Variants in CPNE8 observed in about 807,000 individuals in gnomAD.
CPNE8 encodes copine 8, also known as copine-8.
CPNE8 carries 45 observed loss-of-function variants against 81.5 expected under a neutral mutation model. The ratio of observed to expected loss-of-function variants is 0.55; its 90% CI spans 0.44 to 0.71. CPNE8 has a LOEUF of 0.71. CPNE8 is among the 30% of genes least tolerant of loss of function. The probability of loss-of-function intolerance (pLI) is 0.00; values close to 1 mark genes in which losing one functional copy is unlikely to be tolerated. For synonymous variants in CPNE8, 252 were observed against 226.3 expected (o/e 1.11, Z -1.02); for missense variants, 594 against 672.1 (o/e 0.88, Z 1.28).
At chr12:38,757,744 A>G (rs1352711834) in intron 10 of CPNE8, among the ~76,000 whole-genome samples, 1 of 152,068 alleles carries the variant, frequency 6.6e-6, no homozygotes, top group East Asian at 1.9e-4. Context: ...ACTTTACTCA[A>G]ACATTAAAAA....
At chr12:38,855,078 C>A (rs565433183) in intron 3 of CPNE8, among the ~76,000 whole-genome samples, 22 of 151,880 alleles carry the variant, frequency 1.4e-4, no homozygotes, top group Non-Finnish European at 2.7e-4. Flanking sequence ...ACAGAAAAAT[C>A]AGTAGTATTT....
chr12:38,750,905 T>C (rs891420168), intron 10 of CPNE8, among the ~76,000 whole-genome samples: 4 of 152,152 alleles, frequency 2.6e-5, no homozygotes, highest in Non-Finnish European at 5.9e-5. Context: ...ATGGTTTGGC[T>C]GTGTCCCCAC....
chr12:38,732,712 T>C (rs1175404503), intron 10 of CPNE8, among the ~76,000 whole-genome samples: 1 of 152,006 alleles, frequency 6.6e-6, no homozygotes, highest in African/African-American at 2.4e-5. Flanking sequence ...TCTCACCCTA[T>C]ATTACTCCTT....
chr12:38,802,884 C>A (rs889068385), intron 6 of CPNE8, among the ~76,000 whole-genome samples: 2 of 148,560 alleles, frequency 1.3e-5, no homozygotes, highest in South Asian at 2.2e-4. Context: ...AACACCTCTA[C>A]GCAAATAAAC....
intron 13 of CPNE8, chr12:38,720,805 T>C (rs1339884771): frequency 6.6e-6 from 1 of 152,096 alleles, no homozygotes; most frequent in Non-Finnish European, 1.5e-5. Flanking sequence ...CTTTTCCGAG[T>C]TGGGGTAGGA....
At chr12:38,906,133 G>A (rs1944568856), upstream of CPNE8, 1 of 985,722 alleles carries the variant, frequency 1.0e-6, no homozygotes, top group South Asian at 4.7e-5. Flanking sequence ...CCCCACAATT[G>A]GTTCTCACCT....
chr12:38,717,848 C>G (rs1940445136), intron 13 of CPNE8, among the ~76,000 whole-genome samples: 1 of 151,772 alleles, frequency 6.6e-6, no homozygotes, highest in South Asian at 2.1e-4. Flanking sequence ...AAAAAGTTCC[C>G]TGAATTGATG....
chr12:38,817,138 T>C (rs191623577), intron 6 of CPNE8, among the ~76,000 whole-genome samples: 69 of 152,238 alleles, frequency 4.5e-4, no homozygotes, highest in African/African-American at 1.2e-3. Context: ...CCTAGAAAAC[T>C]CTGTAGAGTT....
chr12:38,753,491 T>G (rs2136828816), intron 10 of CPNE8, among the ~76,000 whole-genome samples: 1 of 152,130 alleles, frequency 6.6e-6, no homozygotes, highest in Non-Finnish European at 1.5e-5. Flanking sequence ...AAGAAAGATA[T>G]CAGAGCTCTA....
At chr12:38,681,489 T>C (rs1303363376) in intron 16 of CPNE8, among the ~76,000 whole-genome samples, 1 of 152,172 alleles carries the variant, frequency 6.6e-6, no homozygotes, top group East Asian at 1.9e-4. Flanking sequence ...AATGGCAATA[T>C]ATTTCTTTGT....
At chr12:38,809,871 T>A (rs1226646266) in intron 6 of CPNE8, among the ~76,000 whole-genome samples, 1 of 152,084 alleles carries the variant, frequency 6.6e-6, no homozygotes, top group Non-Finnish European at 1.5e-5. Flanking sequence ...TTCCAACACA[T>A]GATGGGTCAA....
At chr12:38,799,625 C>G (rs1448392939) in intron 6 of CPNE8, among the ~76,000 whole-genome samples, 1 of 152,126 alleles carries the variant, frequency 6.6e-6, no homozygotes, top group Non-Finnish European at 1.5e-5. Context: ...CCTAACATCA[C>G]AATTAAAAGA....
At chr12:38,787,187 G>A (rs1344207123) in intron 6 of CPNE8, among the ~76,000 whole-genome samples, 2 of 151,980 alleles carry the variant, frequency 1.3e-5, no homozygotes, top group Non-Finnish European at 2.9e-5. Context: ...TCATTCTCAA[G>A]GATGGACCAT....
chr12:38,869,509 C>T (rs1037028297), intron 3 of CPNE8, among the ~76,000 whole-genome samples: 1 of 152,090 alleles, frequency 6.6e-6, no homozygotes, highest in Non-Finnish European at 1.5e-5. Context: ...AAAATAAACT[C>T]TTTCTCAAAT....
Position 38,728,309 on chromosome 12 carries a change from T to C in CPNE8, c.798+1974A>G, listed in dbSNP as rs188959256. Among the ~76,000 whole-genome samples, 669 of 152,164 alleles carry C rather than the reference T, an allele frequency of 4.4e-3. 2 individuals carry two copies. Among genetic ancestry groups the C allele is most frequent in the Non-Finnish European group, 6.4e-3 (436 of 67,984 alleles). On this transcript the variant is annotated intron_variant, in intron 11 of 19. Transcript: ENST00000331366. ...CTTTAAATCAGCTATTACAAATATATTGAAAGAAGGAAATCATGCGTAAAG... is the reference window on the plus strand; with the variant it reads ...CTTTAAATCAGCTATTACAAATATACTGAAAGAAGGAAATCATGCGTAAAG...
intron 18 of CPNE8, among the ~76,000 whole-genome samples, chr12:38,673,340 G>A (rs1248275312): frequency 6.6e-6 from 1 of 152,010 alleles, no homozygotes; most frequent in African/African-American, 2.4e-5. Flanking sequence ...TTTGCCAGTT[G>A]GATTTAGGTC....
intron 6 of CPNE8, among the ~76,000 whole-genome samples, chr12:38,777,418 G>A (rs757935005): frequency 5.3e-5 from 8 of 152,206 alleles, no homozygotes; most frequent in Admixed American, 2.6e-4. Context: ...ATATTTTAAA[G>A]TAAAAACATT....
chr12:38,850,344 A>G (rs1943626248), intron 3 of CPNE8, among the ~76,000 whole-genome samples: 2 of 152,138 alleles, frequency 1.3e-5, no homozygotes, highest in Non-Finnish European at 2.9e-5. Flanking sequence ...AATTTTTTAA[A>G]ATGAAGTGAA....
At chr12:38,678,460 C>A (rs1016034175) in intron 16 of CPNE8, among the ~76,000 whole-genome samples, 6 of 151,722 alleles carry the variant, frequency 4.0e-5, no homozygotes, top group Non-Finnish European at 7.4e-5. Flanking sequence ...CATTCTGGTT[C>A]TCTTAGGAGA....
Sources: gnomAD v4.1 joint callset for allele counts (sites outside exome capture counted in the v4.1 genomes callset) on GRCh38, gnomAD v4.1.1 for gene constraint, MANE v1.5 for transcripts, NCBI Gene and HGNC (gene_info 2026-07-23, HGNC 2026-07-21) for gene names.